Variants in GBA1 observed in about 807,000 individuals in gnomAD.
GBA1 encodes the protein glucosylceramidase beta 1, also known as lysosomal acid glucosylceramidase.
At chr1:155,235,283 C>G in the GBA1 span, 1 of 1,613,808 alleles carries the variant, frequency 6.2e-7, no homozygotes, top group African/African-American at 1.3e-5. Flanking sequence ...ACCAGCCCCA[C>G]TCTCTGGGAG....
the GBA1 span, chr1:155,236,457 G>C: frequency 5.0e-6 from 8 of 1,613,784 alleles, no homozygotes; most frequent in African/African-American, 1.3e-5. Context: ...GCTGCTTCTG[G>C]GTCTGTCAGT....
At chr1:155,240,957 C>T in the GBA1 span, 1 of 931,698 alleles carries the variant, frequency 1.1e-6, no homozygotes, top group Non-Finnish European at 1.8e-6. Context: ...TCGACCCCTC[C>T]CTCCATCTGT....
At chr1:155,238,202 A>G in the GBA1 span, 4 of 1,614,102 alleles carry the variant, frequency 2.5e-6, no homozygotes, top group South Asian at 4.4e-5. Flanking sequence ...ACCCCTTCCC[A>G]TTCACCGCTC....
the GBA1 span, chr1:155,238,193 C>A: frequency 2.9e-5 from 47 of 1,614,094 alleles, no homozygotes; most frequent in Non-Finnish European, 3.7e-5. Flanking sequence ...CCTTGAGTGA[C>A]CCCTTCCCAT....
At chr1:155,240,012 A>G in the GBA1 span, 3 of 1,613,924 alleles carry the variant, frequency 1.9e-6, no homozygotes, top group African/African-American at 1.3e-5. Context: ...GAGTCACAGT[A>G]TGTGGCATTG....
the GBA1 span, among the ~76,000 whole-genome samples, chr1:155,239,447 C>T: frequency 6.6e-6 from 1 of 152,088 alleles, no homozygotes; most frequent in Non-Finnish European, 1.5e-5. Context: ...AGGAGAATCA[C>T]TATAGCCTGG....
the GBA1 span, chr1:155,235,958 G>T: frequency 1.6e-6 from 2 of 1,212,336 alleles, no homozygotes; most frequent in African/African-American, 3.0e-5. Flanking sequence ...CCCTGTGAGG[G>T]GCACATTCCT....
chr1:155,236,243 A>G, the GBA1 span: 2 of 1,613,004 alleles, frequency 1.2e-6, no homozygotes, highest in South Asian at 2.2e-5. Context: ...GGGGTGGCTT[A>G]CCGTGATGAT....
the GBA1 span, chr1:155,239,593 C>G: frequency 6.2e-7 from 1 of 1,613,980 alleles, no homozygotes. Flanking sequence ...GGCTCTATGT[C>G]ATCTTGTCCC....
chr1:155,243,557 C>G, the GBA1 span, among the ~76,000 whole-genome samples: 2 of 152,190 alleles, frequency 1.3e-5, no homozygotes, highest in East Asian at 3.9e-4. Flanking sequence ...ACCTCTGCCT[C>G]CAGAATAAGC....
chr1:155,240,258 G>A, the GBA1 span: 9 of 623,634 alleles, frequency 1.4e-5, no homozygotes, highest in African/African-American at 1.7e-4. Flanking sequence ...GAGGTGAGGA[G>A]TTTGAGACCT....
chr1:155,242,809 T>C, the GBA1 span, among the ~76,000 whole-genome samples: 1 of 152,026 alleles, frequency 6.6e-6, no homozygotes, highest in Non-Finnish European at 1.5e-5. Flanking sequence ...GCCAGGCTGG[T>C]CTCGAACCCC....
At chr1:155,235,326 A>G in the GBA1 span, 5 of 1,608,280 alleles carry the variant, frequency 3.1e-6, no homozygotes, top group Admixed American at 1.7e-5. Context: ...ATGTGGGAAC[A>G]GATGGTCAGA....
At chr1:155,239,944 G>A in the GBA1 span, 5 of 1,614,138 alleles carry the variant, frequency 3.1e-6, no homozygotes, top group Non-Finnish European at 4.2e-6. Flanking sequence ...GTCGCCCACT[G>A]CGTGTACTCT....
chr1:155,236,067 A>C, the GBA1 span: 9 of 744,982 alleles, frequency 1.2e-5, no homozygotes, highest in Non-Finnish European at 1.9e-5. Flanking sequence ...CAAAAGGGGC[A>C]ATGAGGTGTG....
At chr1:155,237,915 AAAG>A in the GBA1 span, 13 of 667,358 alleles carry the variant, frequency 1.9e-5, no homozygotes, top group Admixed American at 2.9e-5. Flanking sequence ...AAAAAAAAAA[AAAG>A]AAGAAAAATA....
chr1:155,239,467 G>A, the GBA1 span: 1 of 846,900 alleles, frequency 1.2e-6, no homozygotes, highest in South Asian at 1.5e-5. Flanking sequence ...GGAGGCAGAG[G>A]TTGCTGTGAG....
At chr1:155,236,549 G>T in the GBA1 span, 3 of 1,185,158 alleles carry the variant, frequency 2.5e-6, no homozygotes, top group Non-Finnish European at 3.7e-6. Flanking sequence ...GAATCCTGGA[G>T]TTGGGTGACG....
At chr1:155,235,968 T>G in the GBA1 span, 1 of 1,116,090 alleles carries the variant, frequency 9.0e-7, no homozygotes, top group African/African-American at 1.5e-5. Context: ...GGCACATTCC[T>G]TAGTAGCTAA....
Sources: gnomAD v4.1 joint callset for allele counts (sites outside exome capture counted in the v4.1 genomes callset) on GRCh38, gnomAD v4.1.1 for gene constraint, MANE v1.5 for transcripts, NCBI Gene and HGNC (gene_info 2026-07-23, HGNC 2026-07-21) for gene names.